RB1: variants seen among roughly 807,000 people sequenced by gnomAD.
RB1 encodes the protein retinoblastoma-associated protein.
In RB1, 18 loss-of-function variants were observed where a neutral mutation model predicts 135.4. The ratio of observed to expected loss-of-function variants is 0.13; its 90% CI spans 0.09 to 0.20. The LOEUF (loss-of-function observed/expected upper bound fraction) is 0.20. RB1 is among the 10% of genes least tolerant of loss of function. The pLI is 1.00. For missense variants in RB1, 868 were observed against 1,110.0 expected (o/e 0.78, Z 3.10); for synonymous variants, 365 against 373.2 (o/e 0.98, Z 0.25).
chr13:48,418,620 G>A (rs1431943686), intron 17 of RB1, among the ~76,000 whole-genome samples: 1 of 151,780 alleles, frequency 6.6e-6, no homozygotes, highest in Non-Finnish European at 1.5e-5. Flanking sequence ...AGACCCATCA[G>A]TGTGCTGTAT....
intron 2 of RB1, among the ~76,000 whole-genome samples, chr13:48,309,326 A>G (rs1284804416): frequency 1.3e-5 from 2 of 152,228 alleles, no homozygotes; most frequent in Non-Finnish European, 2.9e-5. Flanking sequence ...TCTGATTAAC[A>G]CAGCGGAATG....
intron 19 of RB1, among the ~76,000 whole-genome samples, chr13:48,459,423 G>A (rs1404480895): frequency 2.0e-5 from 3 of 152,154 alleles, no homozygotes; most frequent in Non-Finnish European, 4.4e-5. Flanking sequence ...CTGGAGAATA[G>A]CATGCCTGGG....
chr13:48,441,298 T>A (rs1949234349), intron 17 of RB1, among the ~76,000 whole-genome samples: 1 of 152,196 alleles, frequency 6.6e-6, no homozygotes, highest in African/African-American at 2.4e-5. Context: ...GAGGGATGTG[T>A]TGAAACTAAA....
Position 48,360,075 on chromosome 13 carries a change from C to T in RB1, c.666C>T (p.Val222=), listed in dbSNP as rs761248555. The stretch of plus-strand genomic sequence containing the variant: ...TTTCATTTCAGTTAATGCTATGTGT[C>T]CTTGACTATTTTATTAAACTCTCAC... The part of the protein sequence containing the change: ...LVISFQLMLC[V]LDYFIKLSPP... The change falls in exon 7 of 27, where the codon GTC becomes GTT. Residue 222 remains valine (V), a synonymous_variant. Transcript: ENST00000267163. 6.2e-7 allele frequency: 1 copy of T among 1,612,472 alleles called. No homozygotes were observed. The highest frequency in any genetic ancestry group is 8.5e-7 in the Non-Finnish European group (1 of 1,179,228).
chr13:48,455,526 T>C (rs974317429), intron 18 of RB1, among the ~76,000 whole-genome samples: 4 of 152,228 alleles, frequency 2.6e-5, no homozygotes, highest in Non-Finnish European at 4.4e-5. Flanking sequence ...CATAGTAAGG[T>C]ACAAATTCTA....
intron 17 of RB1, among the ~76,000 whole-genome samples, chr13:48,410,781 G>T (rs1948787591): frequency 6.6e-6 from 1 of 152,144 alleles, no homozygotes; most frequent in South Asian, 2.1e-4. Context: ...TCTACAAATT[G>T]CCTACACAGA....
At chr13:48,411,970 C>CG in intron 17 of RB1, 1 of 1,596,090 alleles carries the variant, frequency 6.3e-7, no homozygotes, top group Non-Finnish European at 8.5e-7. Flanking sequence ...TGAACAAAAA[C>CG]GGCGGGTGCA....
At chr13:48,311,643 A>C (rs1157854540) in intron 2 of RB1, among the ~76,000 whole-genome samples, 6 of 152,214 alleles carry the variant, frequency 3.9e-5, no homozygotes, top group Admixed American at 2.0e-4. Context: ...TTGAGGGAGA[A>C]ATATGAAGCC....
At chr13:48,475,207 C>T (rs968293205) in intron 24 of RB1, among the ~76,000 whole-genome samples, 3 of 152,178 alleles carry the variant, frequency 2.0e-5, no homozygotes, top group Admixed American at 2.0e-4. Context: ...GGAAGACTGC[C>T]TATGTTATGT....
In RB1 at chr13:48,318,980, T is replaced by C. The variant is rs1216755234; in HGVS notation, c.264+11574T>C. 6 of 783,512 alleles carry C rather than the reference T, an allele frequency of 7.7e-6. No individual in the cohort carries two copies. The African/African-American group carries it at 8.5e-5, about 11-fold the overall frequency. 48.5% of individuals were successfully genotyped at this position (783,512 alleles called of 1,614,324 possible). A position where few individuals can be genotyped will look rare whatever the true frequency, so the allele number is the denominator to read the frequency against. Reference sequence around the variant, plus strand: ...GCGTGGGCTTGCAGAAAGGGACCTGTTGCTGCCTTACATGGGGGCCGGCAG... The same window carrying C: ...GCGTGGGCTTGCAGAAAGGGACCTGCTGCTGCCTTACATGGGGGCCGGCAG... On this transcript the variant is annotated intron_variant, in intron 2 of 26. Coordinates refer to ENST00000267163, the MANE Select transcript of RB1 (RefSeq NM_000321.3).
intron 2 of RB1, among the ~76,000 whole-genome samples, chr13:48,333,523 A>G (rs1008948125): frequency 4.6e-5 from 7 of 152,050 alleles, no homozygotes; most frequent in Admixed American, 6.6e-5. Context: ...ACTTAGTTCT[A>G]GGTAGGTTAT....
chr13:48,363,983 A>G (rs1329344928), intron 8 of RB1, among the ~76,000 whole-genome samples: 1 of 152,164 alleles, frequency 6.6e-6, no homozygotes, highest in Non-Finnish European at 1.5e-5. Context: ...CATCTTTGAA[A>G]TTTCTCTGTT....
intron 17 of RB1, among the ~76,000 whole-genome samples, chr13:48,407,349 G>A (rs1948749507): frequency 6.6e-6 from 1 of 152,024 alleles, no homozygotes; most frequent in South Asian, 2.1e-4. Flanking sequence ...TAAATCTTTT[G>A]GGAGCAGGAA....
In RB1 at chr13:48,340,088, T is replaced by A. The variant is rs193291551; in HGVS notation, c.265-2511T>A. On this transcript the variant is annotated intron_variant, in intron 2 of 26. Transcript: ENST00000267163. ...TTCTCAACAAATAATGCTGGAGCAA[T>A]TGGGTATCCAAATGCAGAAAATGAA... Among the ~76,000 whole-genome samples the A allele has an allele frequency of 5.5e-3, 844 of 152,208 alleles. 5 individuals carry two copies. The highest frequency in any genetic ancestry group is 0.01 in the Middle Eastern group (3 of 294).
chr13:48,379,445 G>A (rs774023212), intron 13 of RB1, 149 bp from the exon 14 acceptor site: 3 of 1,027,162 alleles, frequency 2.9e-6, no homozygotes, highest in Non-Finnish European at 4.2e-6. Context: ...AGCCTCTTGG[G>A]AGGCCAAAGC....
intron 2 of RB1, among the ~76,000 whole-genome samples, chr13:48,331,472 G>A (rs1952336053): frequency 6.6e-6 from 1 of 152,118 alleles, no homozygotes; most frequent in Non-Finnish European, 1.5e-5. Flanking sequence ...TCCTGAGAGT[G>A]GCATCAGTGG....
chr13:48,471,573 T>TAAATA (rs1555294965), intron 23 of RB1, among the ~76,000 whole-genome samples: 7 of 133,970 alleles, frequency 5.2e-5, no homozygotes, highest in African/African-American at 1.9e-4. Context: ...AAAATATAAA[T>TAAATA]AAAAAAAAAA....
rs113337179 is a variant in RB1 at position 48,344,085 on chromosome 13, A to G, written c.381-995A>G. Among the ~76,000 whole-genome samples, 343 of 152,310 alleles carry G rather than the reference A, an allele frequency of 2.3e-3. 1 individual carries two copies. Among genetic ancestry groups the G allele is most frequent in the Non-Finnish European group, 2.0e-3 (134 of 68,020 alleles). ...TGGTATAATTCCTTATACAAAATTC[A>G]TGATTAGAAATTAGCATGTGAGATG... On this transcript the variant is annotated intron_variant, in intron 3 of 26. Transcript: ENST00000267163.
chr13:48,443,664 T>C (rs1436158647), intron 17 of RB1, among the ~76,000 whole-genome samples: 1 of 152,222 alleles, frequency 6.6e-6, no homozygotes, highest in Non-Finnish European at 1.5e-5. Context: ...TAACTAGCTT[T>C]TATTGTCAGT....
Sources: gnomAD v4.1 joint callset for allele counts (sites outside exome capture counted in the v4.1 genomes callset) on GRCh38, gnomAD v4.1.1 for gene constraint, MANE v1.5 for transcripts, NCBI Gene and HGNC (gene_info 2026-07-23, HGNC 2026-07-21) for gene names.